Variants in P4HA2 observed in about 807,000 individuals in gnomAD.
P4HA2 encodes the protein prolyl 4-hydroxylase subunit alpha-2.
In P4HA2, 46 loss-of-function variants were observed where a neutral mutation model predicts 76.9. The observed-to-expected ratio is 0.60, with a 90% CI of 0.47 to 0.76. The LOEUF is 0.76. P4HA2 is among the 30% of genes least tolerant of loss of function. P4HA2 has a pLI of 0.00. For synonymous variants in P4HA2, 243 were observed against 254.0 expected (o/e 0.96, Z 0.41); for missense variants, 583 against 669.4 (o/e 0.87, Z 1.42).
At chr5:132,223,586 C>G (rs1446156507) in intron 1 of P4HA2, among the ~76,000 whole-genome samples, 1 of 152,212 alleles carries the variant, frequency 6.6e-6, no homozygotes, top group Non-Finnish European at 1.5e-5. Context: ...TTTTCCCTCA[C>G]CCTGGCTGCC....
intron 13 of P4HA2, 118 bp downstream of exon 13, chr5:132,195,294 G>A: frequency 1.3e-6 from 1 of 793,864 alleles, no homozygotes; most frequent in African/African-American, 1.7e-5. Flanking sequence ...CAGACCCCAG[G>A]TGGGCTAAGG....
At chr5:132,212,258 C>T (rs1168526173) in intron 5 of P4HA2, among the ~76,000 whole-genome samples, 1 of 152,196 alleles carries the variant, frequency 6.6e-6, no homozygotes, top group African/African-American at 2.4e-5. Flanking sequence ...GGAAATTAAG[C>T]ACAGTAATCA....
At chr5:132,214,780 C>A (rs1753618130) in intron 4 of P4HA2, among the ~76,000 whole-genome samples, 2 of 152,142 alleles carry the variant, frequency 1.3e-5, no homozygotes, top group Admixed American at 1.3e-4. Context: ...ACCACTCAGA[C>A]CTTCAATGAG....
intron 1 of P4HA2, among the ~76,000 whole-genome samples, chr5:132,224,714 G>C (rs1755115122): frequency 7.5e-6 from 1 of 133,702 alleles, no homozygotes; most frequent in Non-Finnish European, 1.6e-5. Flanking sequence ...CTAGCAAAAG[G>C]CGGGGGATTG....
intron 4 of P4HA2, among the ~76,000 whole-genome samples, chr5:132,216,914 A>G (rs1165328359): frequency 1.3e-5 from 2 of 152,218 alleles, no homozygotes; most frequent in African/African-American, 4.8e-5. Context: ...ATGTATCACT[A>G]AAGTATAATT....
intron 2 of P4HA2, 90 bp downstream of exon 2, chr5:132,218,455 C>T (rs1580740910): frequency 1.1e-6 from 1 of 871,000 alleles, no homozygotes; most frequent in South Asian, 1.5e-5. Context: ...TTAAGGCTAT[C>T]CCACTCTAAA....
At chr5:132,195,062 AC>A in intron 13 of P4HA2, 40 bp from the exon 14 acceptor site, 1 of 1,368,590 alleles carries the variant, frequency 7.3e-7, no homozygotes, top group Non-Finnish European at 1.0e-6. Context: ...TTCTTAAGAG[AC>A]TGTGCTCAGG....
chr5:132,198,224 C>A (rs1309187770), intron 12 of P4HA2, 97 bp downstream of exon 12: 1 of 1,614,178 alleles, frequency 6.2e-7, no homozygotes, highest in South Asian at 1.1e-5. Context: ...AGAAAGTAGC[C>A]ACACGATTCC....
chr5:132,214,933 C>G (rs945095210), intron 4 of P4HA2, among the ~76,000 whole-genome samples: 1 of 152,226 alleles, frequency 6.6e-6, no homozygotes, highest in East Asian at 1.9e-4. Flanking sequence ...CTCCTACAAT[C>G]CCAGGTGGGA....
At chr5:132,204,332 C>T (rs958839974) in intron 8 of P4HA2, among the ~76,000 whole-genome samples, 180 bp from the exon 9 acceptor site, 3 of 152,182 alleles carry the variant, frequency 2.0e-5, no homozygotes, top group Non-Finnish European at 4.4e-5. Context: ...GAGTCTGAGG[C>T]CTCCACATTC....
At chr5:132,224,385 C>A (rs1450720978) in intron 1 of P4HA2, among the ~76,000 whole-genome samples, 1 of 152,228 alleles carries the variant, frequency 6.6e-6, no homozygotes, top group Non-Finnish European at 1.5e-5. Context: ...CAGATGTTGG[C>A]AGGTAGCCCT....
chr5:132,215,636 G>T (rs759823012), intron 4 of P4HA2, among the ~76,000 whole-genome samples: 1 of 152,198 alleles, frequency 6.6e-6, no homozygotes, highest in African/African-American at 2.4e-5. Context: ...CAGAGAGACA[G>T]CTAGTCTGAA....
chr5:132,207,128 T>C (rs1486519022), intron 8 of P4HA2, among the ~76,000 whole-genome samples: 3 of 152,154 alleles, frequency 2.0e-5, no homozygotes, highest in Non-Finnish European at 4.4e-5. Context: ...AATAGTAAAC[T>C]AATAAAATAA....
In P4HA2 at chr5:132,213,921, A is replaced by G; in HGVS notation, c.464T>C (p.Leu155Pro). 1 of 1,614,078 alleles carries G rather than the reference A, an allele frequency of 6.2e-7. No homozygotes were observed. Among genetic ancestry groups the G allele is most frequent in the Non-Finnish European group, 8.5e-7 (1 of 1,179,952 alleles). ...CGCCTGGAGTGGTGAGTTACCTGGA[A>G]GTTCCCCTCTGGAAATTGTGCCTGG... ...LDPGTISRGE[L>P]PGTKYQAMLS... Residue 155 changes from leucine (L) to proline (P), a missense_variant, in exon 5 of 15, where the codon CTT (leucine) becomes CCT (proline). Coordinates refer to ENST00000360568, the MANE Select transcript of P4HA2 (RefSeq NM_001017974.2).
chr5:132,215,029 C>T (rs1248618872), intron 4 of P4HA2, among the ~76,000 whole-genome samples: 1 of 152,236 alleles, frequency 6.6e-6, no homozygotes, highest in Non-Finnish European at 1.5e-5. Flanking sequence ...CATTCCTTCC[C>T]CAACCTCTTC....
In P4HA2 at chr5:132,217,508, G is replaced by GCC. The variant is rs143394342; in HGVS notation, c.180-162_180-161dup. Reference sequence around the variant, plus strand: ...CAGTAACTCCCCACAGATACTTCTAGCCCCTTAATCTAGATAACAGCTGGG... The same window carrying GCC: ...CAGTAACTCCCCACAGATACTTCTAGCCCCCCTTAATCTAGATAACAGCTGGG... On this transcript the variant is annotated intron_variant, in intron 3 of 14. Coordinates refer to ENST00000360568, the MANE Select transcript of P4HA2 (RefSeq NM_001017974.2). The GCC allele has an allele frequency of 8.8e-4, 601 of 683,920 alleles. 2 individuals are homozygous for GCC. In the African/African-American group the frequency reaches 9.6e-3, roughly 11 times the overall value. The allele number at this position is 683,920 out of a possible 1,614,324, so 42.4% of individuals were successfully genotyped here. A position where few individuals can be genotyped will look rare whatever the true frequency, so the allele number is the denominator to read the frequency against.
chr5:132,225,543 G>A (rs931947850), intron 1 of P4HA2, among the ~76,000 whole-genome samples: 5 of 152,190 alleles, frequency 3.3e-5, no homozygotes, highest in African/African-American at 9.7e-5. Flanking sequence ...ACTCACAGCC[G>A]GGCTCCTCCC....
chr5:132,219,539 C>A (rs779386525), intron 1 of P4HA2, among the ~76,000 whole-genome samples: 20 of 152,100 alleles, frequency 1.3e-4, no homozygotes, highest in African/African-American at 4.3e-4. Context: ...CAGAAGCCTC[C>A]GATACCGTCT....
rs370914799 is a variant in P4HA2 at position 132,212,277 on chromosome 5, T to C, written c.469+1639A>G. Among the ~76,000 whole-genome samples the C allele has an allele frequency of 9.8e-5, 15 of 152,314 alleles. No homozygotes were observed. In the East Asian group the frequency reaches 1.3e-3, roughly 14 times the overall value. The stretch of plus-strand genomic sequence containing the variant: ...ATTAAGCACAGTAATCAGGAACTCA[T>C]GTGAACAAATGTGTGCTTAAGACCA... On this transcript the variant is annotated intron_variant, in intron 5 of 14. Coordinates refer to ENST00000360568, the MANE Select transcript of P4HA2 (RefSeq NM_001017974.2).
Sources: gnomAD v4.1 joint callset for allele counts (sites outside exome capture counted in the v4.1 genomes callset) on GRCh38, gnomAD v4.1.1 for gene constraint, MANE v1.5 for transcripts, NCBI Gene and HGNC (gene_info 2026-07-23, HGNC 2026-07-21) for gene names.